Variants in PRDM11 observed in about 807,000 individuals in gnomAD.
The protein encoded by PRDM11 is PR domain-containing protein 11.
In PRDM11, 20 loss-of-function variants were observed where a neutral mutation model predicts 97.8. That is an observed-to-expected ratio of 0.20 (90% CI 0.14 to 0.30). The LOEUF is 0.30. PRDM11 is among the 10% of genes least tolerant of loss of function. The pLI is 1.00. For missense variants in PRDM11, 1,139 were observed against 1,555.2 expected, an observed-to-expected ratio of 0.73 and a Z score of 4.50; for synonymous variants, 599 against 637.7, an observed-to-expected ratio of 0.94 and a Z score of 0.91.
chr11:45,168,924 C>T (rs904449086), intron 1 of PRDM11, among the ~76,000 whole-genome samples: 1 of 152,204 alleles, frequency 6.6e-6, no homozygotes, highest in African/African-American at 2.4e-5. Context: ...GCCACACCCC[C>T]TTCTCCCCAA....
At chr11:45,146,253 G>A (rs1425210121), upstream of PRDM11, among the ~76,000 whole-genome samples, 1 of 152,100 alleles carries the variant, frequency 6.6e-6, no homozygotes, top group Non-Finnish European at 1.5e-5. Context: ...AAATCCAAAC[G>A]CGTCGACTCC....
At chr11:45,182,742 C>T in intron 3 of PRDM11, 119 bp from the exon 4 acceptor site, 1 of 1,281,088 alleles carries the variant, frequency 7.8e-7, no homozygotes. Flanking sequence ...TACCGATGAC[C>T]CTGGGGCCTG....
chr11:45,194,337 A>G (rs1853023628), intron 4 of PRDM11, among the ~76,000 whole-genome samples: 1 of 152,086 alleles, frequency 6.6e-6, no homozygotes. Context: ...AATTTTTAGT[A>G]AACTTCCTGG....
intron 4 of PRDM11, among the ~76,000 whole-genome samples, chr11:45,202,447 T>G (rs547274875): frequency 6.6e-6 from 1 of 152,330 alleles, no homozygotes; most frequent in South Asian, 2.1e-4. Flanking sequence ...AGGAGAGGCT[T>G]CTTCTGTCAA....
chr11:45,159,406 A>G (rs1235014111), intron 1 of PRDM11, among the ~76,000 whole-genome samples: 1 of 152,172 alleles, frequency 6.6e-6, no homozygotes, highest in Non-Finnish European at 1.5e-5. Flanking sequence ...ATGTTGTGGG[A>G]GTCCCTGTGG....
At chr11:45,204,598 G>C in intron 4 of PRDM11, 113 bp from the exon 5 acceptor site, 1 of 931,636 alleles carries the variant, frequency 1.1e-6, no homozygotes, top group Non-Finnish European at 1.7e-6. Context: ...ACATTTCAGG[G>C]GGAGGGGGAG....
At chr11:45,113,637 A>G (rs10742738) in intron 1 of PRDM11, among the ~76,000 whole-genome samples, 126,278 of 152,046 alleles carry the variant, frequency 0.83, 53,286 homozygotes, top group Middle Eastern at 0.88. Context: ...GCAGTGTTTT[A>G]TAATTTTCCT....
chr11:45,126,513 C>A (rs1346449659), intron 1 of PRDM11, among the ~76,000 whole-genome samples: 1 of 152,014 alleles, frequency 6.6e-6, no homozygotes, highest in East Asian at 1.9e-4. Context: ...CCTTCAGGAG[C>A]TCTTTTACGG....
chr11:45,145,547 T>C (rs1393699400), upstream of PRDM11, among the ~76,000 whole-genome samples: 2 of 152,176 alleles, frequency 1.3e-5, no homozygotes, highest in Admixed American at 6.5e-5. Context: ...CTTGCAGGGC[T>C]TCGTGGATGT....
intron 1 of PRDM11, among the ~76,000 whole-genome samples, chr11:45,124,328 C>CT (rs1852515389): frequency 1.3e-5 from 2 of 152,086 alleles, no homozygotes; most frequent in Non-Finnish European, 2.9e-5. Flanking sequence ...ATTGAATACC[C>CT]TTTATTTCCT....
chr11:45,177,976 GA>G (rs1852370041), intron 1 of PRDM11, among the ~76,000 whole-genome samples: 1 of 152,172 alleles, frequency 6.6e-6, no homozygotes, highest in Non-Finnish European at 1.5e-5. Flanking sequence ...GGATGTGAGA[GA>G]TAGGACATAA....
intron 1 of PRDM11, among the ~76,000 whole-genome samples, chr11:45,126,736 G>A (rs894482098): frequency 6.6e-6 from 1 of 152,196 alleles, no homozygotes; most frequent in Non-Finnish European, 1.5e-5. Context: ...CCCTTTGTGG[G>A]TAACCCGACC....
At chr11:45,170,877 C>T (rs890921329) in intron 1 of PRDM11, among the ~76,000 whole-genome samples, 3 of 152,072 alleles carry the variant, frequency 2.0e-5, no homozygotes, top group East Asian at 1.9e-4. Context: ...AGGTCTGTTC[C>T]ATGGCTTCCT....
intron 4 of PRDM11, among the ~76,000 whole-genome samples, chr11:45,194,611 T>C (rs1413913545): frequency 7.4e-6 from 1 of 135,058 alleles, no homozygotes; most frequent in African/African-American, 2.8e-5. Context: ...TTTTTTTTTT[T>C]TTTTTGAGAC....
intron 1 of PRDM11, among the ~76,000 whole-genome samples, chr11:45,172,385 G>T (rs919112971): frequency 1.3e-5 from 2 of 152,246 alleles, no homozygotes; most frequent in African/African-American, 4.8e-5. Flanking sequence ...CCAATCACGT[G>T]TTCTTTCTGG....
intron 4 of PRDM11, among the ~76,000 whole-genome samples, chr11:45,196,318 C>A (rs988502242): frequency 1.3e-5 from 2 of 152,096 alleles, no homozygotes; most frequent in African/African-American, 4.8e-5. Context: ...AGGATGGATG[C>A]GCCGGTTGTG....
intron 1 of PRDM11, among the ~76,000 whole-genome samples, chr11:45,110,999 C>T (rs1244107745): frequency 6.6e-6 from 1 of 152,004 alleles, no homozygotes; most frequent in Non-Finnish European, 1.5e-5. Context: ...TTTTCGACGT[C>T]CAATGGTTCC....
intron 1 of PRDM11, among the ~76,000 whole-genome samples, chr11:45,101,295 C>T (rs1040826137): frequency 6.6e-6 from 1 of 152,154 alleles, no homozygotes; most frequent in African/African-American, 2.4e-5. Flanking sequence ...CATGGGCTCA[C>T]GCCTGTAATC....
chr11:45,115,141 ATGTGTG>A (rs72077365), intron 1 of PRDM11, among the ~76,000 whole-genome samples: 2 of 149,528 alleles, frequency 1.3e-5, no homozygotes, highest in East Asian at 3.9e-4. Context: ...TGTATATAGC[ATGTGTG>A]TGTGTGTGTG....
Sources: gnomAD v4.1 joint callset for allele counts (sites outside exome capture counted in the v4.1 genomes callset) on GRCh38, gnomAD v4.1.1 for gene constraint, MANE v1.5 for transcripts, NCBI Gene and HGNC (gene_info 2026-07-23, HGNC 2026-07-21) for gene names.